PCM1: variants seen among roughly 807,000 people sequenced by gnomAD.
PCM1 encodes the protein pericentriolar material 1 protein.
PCM1 carries 157 observed loss-of-function variants against 241.9 expected under a neutral mutation model. The ratio of observed to expected loss-of-function variants is 0.65; its 90% CI spans 0.57 to 0.74. The LOEUF is 0.74. PCM1 is among the 30% of genes least tolerant of loss of function. The pLI, the probability that PCM1 is intolerant of heterozygous loss-of-function variation, is 0.00. For synonymous variants in PCM1, 1,085 were observed against 784.9 expected, an observed-to-expected ratio of 1.38 and a Z score of -6.39; for missense variants, 3,478 against 2,360.1, an observed-to-expected ratio of 1.47 and a Z score of -9.81.
In PCM1 at chr8:17,957,438, T is replaced by G. The variant is rs1251933132; in HGVS notation, c.1804+17T>G. 7 of 1,610,340 alleles carry G rather than the reference T, an allele frequency of 4.3e-6. No homozygotes were observed. The highest frequency in any genetic ancestry group is 5.9e-6 in the Non-Finnish European group (7 of 1,177,196). The stretch of plus-strand genomic sequence containing the variant: ...CTTCTTTAGGTATGACTGACTGTAT[T>G]TACATATAATTTTGCTGTGTTATTC... On this transcript the variant is annotated intron_variant, in intron 12 of 38. Transcript: ENST00000325083.
Position 17,935,609 on chromosome 8 carries a change from G to A in PCM1, c.-2G>A, listed in dbSNP as rs541213220. On this transcript the variant is annotated 5_prime_UTR_variant, in exon 3 of 39. Transcript: ENST00000325083. ...CGCAGAGAGTTAATTGTTAAATCCA[G>A]TATGGCCACAGGAGGAGGTCCCTTT... is the stretch of plus-strand genomic sequence containing the variant. 1.4e-5 allele frequency: 20 copies of A among 1,399,286 alleles called. No individual in the cohort carries two copies. The South Asian group carries it at 2.2e-4, about 15-fold the overall frequency. The allele number at this position is 1,399,286 out of a possible 1,614,324, so 86.7% of individuals were successfully genotyped here.
intron 6 of PCM1, among the ~76,000 whole-genome samples, chr8:17,945,276 A>G (rs1054208459): frequency 5.9e-5 from 9 of 152,312 alleles, no homozygotes; most frequent in African/African-American, 2.2e-4. Flanking sequence ...AATATTTACA[A>G]GGTAACTCCC....
chr8:17,966,287 C>G (rs1326456033), intron 19 of PCM1, 41 bp from the exon 20 acceptor site: 3 of 1,608,596 alleles, frequency 1.9e-6, no homozygotes, highest in Non-Finnish European at 2.6e-6. Context: ...AAATTTTTCT[C>G]AAGTCATCAG....
intron 3 of PCM1, 52 bp from the exon 4 acceptor site, chr8:17,937,082 T>C (rs2060646013): frequency 1.4e-6 from 2 of 1,421,110 alleles, no homozygotes; most frequent in Admixed American, 5.4e-5. Context: ...TACCAATCTA[T>C]TTTCCTGGTT....
chr8:17,968,666 A>T, intron 21 of PCM1, among the ~76,000 whole-genome samples: 1 of 151,916 alleles, frequency 6.6e-6, no homozygotes, highest in African/African-American at 2.4e-5. Context: ...TATGTACTCA[A>T]TACTTCTTAC....
intron 21 of PCM1, 186 bp from the exon 22 acceptor site, chr8:17,969,391 A>G (rs117609013): frequency 0.022 from 11,012 of 511,026 alleles, 190 homozygotes; most frequent in South Asian, 0.047. Flanking sequence ...TCTTTGACCA[A>G]TGCCTAAAAC....
At chr8:18,012,269 CTACACTGTA>C (rs2092625424) in intron 34 of PCM1, among the ~76,000 whole-genome samples, 1 of 152,224 alleles carries the variant, frequency 6.6e-6, no homozygotes, top group South Asian at 2.1e-4. Flanking sequence ...TCCGGCATGT[CTACACTGTA>C]TACACTACCT....
intron 23 of PCM1, among the ~76,000 whole-genome samples, chr8:17,972,996 T>C (rs555314045): frequency 3.9e-4 from 59 of 152,190 alleles, no homozygotes; most frequent in Non-Finnish European, 7.6e-4. Flanking sequence ...TTTCTTTTGC[T>C]ATTGTATCAG....
chr8:17,923,088 G>C lies in PCM1; in HGVS notation c.-191G>C, dbSNP rs2055137004. ...GCCGAGGCAGCCAGGAAACGTGTGG[G>C]CCTCTCTGCTGCGGTCTCCGAGGGC... On this transcript the variant is annotated 5_prime_UTR_variant, in exon 1 of 39. Coordinates refer to ENST00000325083, the MANE Select transcript of PCM1 (RefSeq NM_006197.4). 6.6e-6 allele frequency: 1 copy of C among 152,650 alleles called. No homozygotes were observed. The highest frequency in any genetic ancestry group is 6.5e-5 in the Admixed American group (1 of 15,292). 9.5% of individuals were successfully genotyped at this position (152,650 alleles called of 1,614,324 possible). A position where few individuals can be genotyped will look rare whatever the true frequency, so the allele number is the denominator to read the frequency against.
At chr8:17,998,076 T>C (rs1405372931) in intron 29 of PCM1, among the ~76,000 whole-genome samples, 5 of 151,926 alleles carry the variant, frequency 3.3e-5, no homozygotes, top group South Asian at 2.1e-4. Context: ...TCCTGTGTTA[T>C]CTTGAATTTG....
In PCM1 at chr8:17,976,337, C is replaced by G. The variant is rs1251149205; in HGVS notation, c.3943+3650C>G. ...GATTGTCCCTTGAATGGTGGGACACCCTGTTGCTGAGGAATCATTGTTATA... is the reference window on the plus strand; with the variant it reads ...GATTGTCCCTTGAATGGTGGGACACGCTGTTGCTGAGGAATCATTGTTATA... On this transcript the variant is annotated intron_variant, in intron 23 of 38. Coordinates refer to ENST00000325083, the MANE Select transcript of PCM1 (RefSeq NM_006197.4). Among the ~76,000 whole-genome samples, 4 of 152,112 alleles carry G rather than the reference C, an allele frequency of 2.6e-5. No individual in the cohort carries two copies. In the East Asian group the frequency reaches 7.7e-4, roughly 29 times the overall value.
In PCM1 at chr8:17,960,168, A is replaced by G. The variant is rs1434312710; in HGVS notation, c.2192+3A>G. 5 of 1,561,684 alleles carry G rather than the reference A, an allele frequency of 3.2e-6. No homozygotes were observed. Among genetic ancestry groups the G allele is most frequent in the Middle Eastern group, 1.7e-4 (1 of 5,978 alleles). ...ACTGGAGTAAATGAAAAGGCAAGGTATGTTAAGCTTTTGGCCTTCATTTAA... is the reference window on the plus strand; with the variant it reads ...ACTGGAGTAAATGAAAAGGCAAGGTGTGTTAAGCTTTTGGCCTTCATTTAA... On this transcript the variant is annotated splice_donor_region_variant and intron_variant, in intron 14 of 38. Coordinates refer to ENST00000325083, the MANE Select transcript of PCM1 (RefSeq NM_006197.4).
At chr8:18,001,286 A>C (rs941512104) in intron 29 of PCM1, among the ~76,000 whole-genome samples, 1 of 152,172 alleles carries the variant, frequency 6.6e-6, no homozygotes, top group African/African-American at 2.4e-5. Context: ...TTTCTTTTCC[A>C]CTATTACAAA....
intron 29 of PCM1, among the ~76,000 whole-genome samples, chr8:18,005,713 T>C (rs1422767747): frequency 6.6e-6 from 1 of 152,086 alleles, no homozygotes; most frequent in Non-Finnish European, 1.5e-5. Context: ...CCTCAAGACA[T>C]TTCAGAATGT....
At chr8:17,949,069 T>A (rs2065003461) in intron 7 of PCM1, among the ~76,000 whole-genome samples, 1 of 152,218 alleles carries the variant, frequency 6.6e-6, no homozygotes, top group Non-Finnish European at 1.5e-5. Flanking sequence ...CTTTTGAAAG[T>A]AAGCAGATAA....
At chr8:17,976,889 G>A (rs1311879106) in intron 23 of PCM1, among the ~76,000 whole-genome samples, 4 of 145,176 alleles carry the variant, frequency 2.8e-5, no homozygotes, top group Admixed American at 6.9e-5. Flanking sequence ...TTCTCTTTTC[G>A]TAGCATCTTA....
chr8:17,950,685 C>G lies in PCM1; in HGVS notation c.1032C>G (p.Asp344Glu). Reference sequence around the variant, plus strand: ...CTGAACTAAATGAAGAATTGAATGACTTAATTCAGCGTTTTCATAATCAGC... The same window carrying G: ...CTGAACTAAATGAAGAATTGAATGAGTTAATTCAGCGTTTTCATAATCAGC... Reference protein sequence around the residue: ...ITSELNEELNDLIQRFHNQLR... With the variant: ...ITSELNEELNELIQRFHNQLR... The change falls in exon 8 of 39, where the codon GAC becomes GAG. Residue 344 changes from aspartate (D) to glutamate (E), a missense_variant. Physicochemically the swap from Asp to Glu is conservative, Grantham distance 45. Transcript: ENST00000325083. The G allele has an allele frequency of 6.2e-7, 1 of 1,601,256 alleles. No homozygotes were observed. Among genetic ancestry groups the G allele is most frequent in the Non-Finnish European group, 8.5e-7 (1 of 1,172,018 alleles).
At chr8:17,996,999 G>C (rs1362972028) in intron 29 of PCM1, among the ~76,000 whole-genome samples, 1 of 152,114 alleles carries the variant, frequency 6.6e-6, no homozygotes, top group Non-Finnish European at 1.5e-5. Context: ...GGTGAATTTT[G>C]TACCTTCAGA....
chr8:17,959,761 C>T (rs2070758306), intron 13 of PCM1, among the ~76,000 whole-genome samples: 1 of 152,040 alleles, frequency 6.6e-6, no homozygotes, highest in South Asian at 2.1e-4. Context: ...CTTGTTTAAC[C>T]ATTACTGGAA....
Sources: allele counts gnomAD v4.1 joint callset (sites outside exome capture counted in the v4.1 genomes callset), GRCh38; gene constraint gnomAD v4.1.1; transcripts MANE v1.5; gene names NCBI Gene and HGNC (gene_info 2026-07-23, HGNC 2026-07-21).